The following RGL1 variants were observed in gnomAD, a reference collection of about 807,000 sequenced individuals.
RGL1 encodes ral guanine nucleotide dissociation stimulator-like 1.
RGL1 carries 24 observed loss-of-function variants against 95.2 expected under a neutral mutation model. That is an observed-to-expected ratio of 0.25 (90% CI 0.18 to 0.35). The LOEUF (loss-of-function observed/expected upper bound fraction) is 0.35, where lower values mean the gene tolerates loss of function less well. Among genes scored for constraint, RGL1 ranks in the 10% least tolerant of loss-of-function variants. The pLI, the probability that RGL1 is intolerant of heterozygous loss-of-function variation, is 1.00. For synonymous variants in RGL1, 329 were observed against 344.9 expected (o/e 0.95, Z 0.51); for missense variants, 715 against 936.3 (o/e 0.76, Z 3.08).
intron 2 of RGL1, among the ~76,000 whole-genome samples, chr1:183,846,565 CCAA>C (rs60194925): frequency 1.4e-3 from 206 of 151,792 alleles, no homozygotes; most frequent in African/African-American, 4.9e-3. Flanking sequence ...ATAAAAAACT[CCAA>C]CAACAACAAC....
At chr1:183,651,831 C>T (rs1193377222) in intron 1 of RGL1, among the ~76,000 whole-genome samples, 3 of 152,214 alleles carry the variant, frequency 2.0e-5, no homozygotes, top group African/African-American at 7.2e-5. Flanking sequence ...GAACCTGACG[C>T]CATTTCCTGC....
intron 1 of RGL1, among the ~76,000 whole-genome samples, chr1:183,716,296 G>T (rs1655619656): frequency 1.3e-5 from 2 of 152,208 alleles, no homozygotes; most frequent in Non-Finnish European, 2.9e-5. Flanking sequence ...GTATGTTTTA[G>T]TTAGGGTAAG....
At chr1:183,675,916 CA>C (rs1652798342) in intron 1 of RGL1, among the ~76,000 whole-genome samples, 1 of 152,118 alleles carries the variant, frequency 6.6e-6, no homozygotes, top group Non-Finnish European at 1.5e-5. Flanking sequence ...GAGGCTGAGG[CA>C]GGAGGGTCAC....
intron 12 of RGL1, among the ~76,000 whole-genome samples, chr1:183,904,145 G>A (rs191278634): frequency 1.4e-3 from 219 of 152,254 alleles, no homozygotes; most frequent in Middle Eastern, 3.4e-3. Flanking sequence ...TAAACCTAAA[G>A]CTTATACCCA....
chr1:183,887,175 T>TCCCTTCCTTCCTTCCTTCCTTCCTTC (rs1487422734), intron 7 of RGL1, among the ~76,000 whole-genome samples: 3 of 1,452 alleles, frequency 2.1e-3, no homozygotes, highest in Non-Finnish European at 3.4e-3. Context: ...TCCCTCCCTC[T>TCCCTTCCTTCCTTCCTTCCTTCCTTC]TTTCCTCCCT....
chr1:183,638,950 T>C (rs936646977), intron 1 of RGL1, among the ~76,000 whole-genome samples: 3 of 152,214 alleles, frequency 2.0e-5, no homozygotes, highest in Non-Finnish European at 4.4e-5. Flanking sequence ...GTGCTTCTCT[T>C]CTCCAAACTT....
intron 1 of RGL1, among the ~76,000 whole-genome samples, chr1:183,731,224 G>A (rs1656611650): frequency 6.6e-6 from 1 of 152,086 alleles, no homozygotes; most frequent in Non-Finnish European, 1.5e-5. Context: ...TTTTAAAGAA[G>A]GCTTAAAAAT....
At chr1:183,848,985 TATG>T (rs1664631465) in intron 3 of RGL1, among the ~76,000 whole-genome samples, 1 of 152,208 alleles carries the variant, frequency 6.6e-6, no homozygotes, top group African/African-American at 2.4e-5. Flanking sequence ...ATGTCATATA[TATG>T]ATATGTTTAT....
Position 183,810,373 on chromosome 1 carries a change from T to C in RGL1, c.138+3888T>C, listed in dbSNP as rs116021906. ...GATCAGTGGTTAGTCACGTGGCTCT[T>C]CTTAGTCCTGTACTTCTGTGGTCAT... On this transcript the variant is annotated intron_variant, in intron 2 of 17. Transcript: ENST00000360851. Among the ~76,000 whole-genome samples, 488 of 152,270 alleles carry C rather than the reference T, an allele frequency of 3.2e-3. 5 individuals carry two copies. Among genetic ancestry groups the C allele is most frequent in the African/African-American group, 0.011 (457 of 41,558 alleles).
intron 1 of RGL1, among the ~76,000 whole-genome samples, chr1:183,678,446 A>G (rs1446508505): frequency 5.9e-5 from 9 of 152,208 alleles, no homozygotes; most frequent in Admixed American, 5.9e-4. Context: ...CTTCTGTATT[A>G]CTAACATAGT....
chr1:183,698,443 A>G (rs1320446427), intron 1 of RGL1, among the ~76,000 whole-genome samples: 2 of 152,230 alleles, frequency 1.3e-5, no homozygotes, highest in African/African-American at 4.8e-5. Flanking sequence ...ATACTTTGAT[A>G]CAATGCCTAA....
At chr1:183,705,168 A>G (rs1654829875) in intron 1 of RGL1, among the ~76,000 whole-genome samples, 1 of 152,102 alleles carries the variant, frequency 6.6e-6, no homozygotes, top group Admixed American at 6.6e-5. Flanking sequence ...AGAGTGAAGG[A>G]GGGAACTCAG....
chr1:183,725,054 A>G (rs979485524), intron 1 of RGL1, among the ~76,000 whole-genome samples: 1 of 152,138 alleles, frequency 6.6e-6, no homozygotes, highest in Non-Finnish European at 1.5e-5. Context: ...AGGGAAGAGA[A>G]TAAGAGTCTC....
chr1:183,925,655 G>A (rs1669573341), intron 17 of RGL1, among the ~76,000 whole-genome samples: 1 of 152,158 alleles, frequency 6.6e-6, no homozygotes, highest in African/African-American at 2.4e-5. Flanking sequence ...GAGTGCTGTA[G>A]ATTTTCTGTT....
At chr1:183,887,754 C>T (rs1667202810) in intron 7 of RGL1, among the ~76,000 whole-genome samples, 1 of 152,180 alleles carries the variant, frequency 6.6e-6, no homozygotes, top group Admixed American at 6.5e-5. Context: ...TAGGGAGCCT[C>T]TCTCCTTACC....
At chr1:183,691,104 A>G (rs1016358299) in intron 1 of RGL1, among the ~76,000 whole-genome samples, 3 of 152,230 alleles carry the variant, frequency 2.0e-5, no homozygotes, top group Non-Finnish European at 4.4e-5. Flanking sequence ...AGCAAACATT[A>G]TTTTTTAAGG....
intron 8 of RGL1, among the ~76,000 whole-genome samples, chr1:183,890,441 A>G (rs1424382908): frequency 6.6e-6 from 1 of 152,182 alleles, no homozygotes; most frequent in Non-Finnish European, 1.5e-5. Flanking sequence ...TCTGTGTAAC[A>G]TATGTTTCTG....
intron 2 of RGL1, among the ~76,000 whole-genome samples, chr1:183,822,332 G>T (rs1662544871): frequency 7.6e-6 from 1 of 130,920 alleles, no homozygotes; most frequent in African/African-American, 2.6e-5. Context: ...AAAAACAATT[G>T]CCCACAAAAG....
intron 2 of RGL1, among the ~76,000 whole-genome samples, chr1:183,748,711 T>C (rs1657810285): frequency 6.6e-6 from 1 of 152,146 alleles, no homozygotes; most frequent in African/African-American, 2.4e-5. Context: ...TTTGTAATGT[T>C]AGTATGTTGA....
Sources: gnomAD v4.1 joint callset for allele counts (sites outside exome capture counted in the v4.1 genomes callset) on GRCh38, gnomAD v4.1.1 for gene constraint, MANE v1.5 for transcripts, NCBI Gene and HGNC (gene_info 2026-07-23, HGNC 2026-07-21) for gene names.